PLCZ1: variants seen among roughly 807,000 people sequenced by gnomAD.
PLCZ1 encodes 1-phosphatidylinositol 4,5-bisphosphate phosphodiesterase zeta-1.
In PLCZ1, 64 loss-of-function variants were observed where a neutral mutation model predicts 76.8. The ratio of observed to expected loss-of-function variants is 0.83; its 90% CI spans 0.68 to 1.03. PLCZ1 has a LOEUF of 1.03. PLCZ1 is among the 50% of genes least tolerant of loss of function. The probability of loss-of-function intolerance (pLI) is 0.00; values close to 1 mark genes in which losing one functional copy is unlikely to be tolerated. For synonymous variants in PLCZ1, 248 were observed against 230.8 expected, an observed-to-expected ratio of 1.07 and a Z score of -0.68; for missense variants, 751 against 713.7, an observed-to-expected ratio of 1.05 and a Z score of -0.60.
At chr12:18,669,079 T>G in the PLCZ1 span, among the ~76,000 whole-genome samples, 1 of 152,202 alleles carries the variant, frequency 6.6e-6, no homozygotes, top group Non-Finnish European at 1.5e-5. Context: ...TGTTCTGCAT[T>G]TTCATGGTAC....
chr12:18,673,871 A>T, the PLCZ1 span, among the ~76,000 whole-genome samples: 4 of 152,304 alleles, frequency 2.6e-5, no homozygotes, highest in African/African-American at 9.6e-5. Flanking sequence ...TCTTTGCCAC[A>T]TGGACCTCTT....
chr12:18,669,665 C>CTTT, the PLCZ1 span, among the ~76,000 whole-genome samples: 281 of 148,656 alleles, frequency 1.9e-3, no homozygotes, highest in African/African-American at 6.0e-3. Flanking sequence ...CTCTTCCTCT[C>CTTT]TTTTTTTTTT....
chr12:18,700,764 T>A (rs915598983), intron 9 of PLCZ1, among the ~76,000 whole-genome samples: 4 of 152,094 alleles, frequency 2.6e-5, no homozygotes, highest in Non-Finnish European at 4.4e-5. Context: ...TAATTATCAT[T>A]TTATTTAAAC....
chr12:18,650,538 T>A, the PLCZ1 span, among the ~76,000 whole-genome samples: 1 of 150,220 alleles, frequency 6.7e-6, no homozygotes, highest in Non-Finnish European at 1.5e-5. Context: ...CTCATTTACA[T>A]TACCATATAA....
intron 4 of PLCZ1, among the ~76,000 whole-genome samples, chr12:18,722,664 T>C (rs150413219): frequency 3.9e-5 from 6 of 152,190 alleles, no homozygotes; most frequent in African/African-American, 1.4e-4. Context: ...AATGAAAAAC[T>C]GTGAAGTGTT....
intron 7 of PLCZ1, among the ~76,000 whole-genome samples, chr12:18,703,297 A>T (rs1956180113): frequency 6.6e-6 from 1 of 152,124 alleles, no homozygotes. Flanking sequence ...TTCTATCATC[A>T]GCCCTATATG....
intron 13 of PLCZ1, among the ~76,000 whole-genome samples, chr12:18,687,414 C>T: frequency 6.6e-6 from 1 of 152,116 alleles, no homozygotes; most frequent in African/African-American, 2.4e-5. Flanking sequence ...TCCAATGTCT[C>T]CTTCAAGGTG....
the PLCZ1 span, among the ~76,000 whole-genome samples, chr12:18,651,374 C>T: frequency 6.6e-6 from 1 of 152,164 alleles, no homozygotes; most frequent in South Asian, 2.1e-4. Context: ...CCAGATCTTT[C>T]CTACTCTACA....
the PLCZ1 span, among the ~76,000 whole-genome samples, chr12:18,669,369 C>A: frequency 3.9e-5 from 6 of 152,182 alleles, no homozygotes; most frequent in African/African-American, 1.4e-4. Context: ...TTTCATTTAA[C>A]CTTTATAATA....
At chr12:18,669,660 CCT>C in the PLCZ1 span, among the ~76,000 whole-genome samples, 1 of 148,302 alleles carries the variant, frequency 6.7e-6, no homozygotes, top group Non-Finnish European at 1.5e-5. Context: ...GGTGTCTCTT[CCT>C]CTCTTTTTTT....
the PLCZ1 span, among the ~76,000 whole-genome samples, chr12:18,660,538 A>AT: frequency 6.6e-6 from 1 of 152,242 alleles, no homozygotes; most frequent in African/African-American, 2.4e-5. Context: ...AACCACATAT[A>AT]TAGAGGAAAT....
chr12:18,688,732 T>C (rs901075304), intron 12 of PLCZ1, among the ~76,000 whole-genome samples: 1 of 152,078 alleles, frequency 6.6e-6, no homozygotes, highest in Non-Finnish European at 1.5e-5. Context: ...ATAATAATTG[T>C]ATTTAAACTT....
Position 18,696,154 on chromosome 12 carries a change from T to C in PLCZ1, c.1287A>G (p.Gln429=). 1 of 1,490,146 alleles carries C rather than the reference T, an allele frequency of 6.7e-7. No homozygotes were observed. The highest frequency in any genetic ancestry group is 9.3e-7 in the Non-Finnish European group (1 of 1,071,220). The allele number at this position is 1,490,146 out of a possible 1,614,324, so 92.3% of individuals were successfully genotyped here. Residue 429 remains glutamine, a synonymous_variant, in exon 11 of 15, where the codon CAA becomes CAG. Coordinates refer to ENST00000266505, the MANE Select transcript of PLCZ1 (RefSeq NM_033123.4). ...NPQEFWNIGC[Q]MVALNFQTPG... is the part of the protein sequence containing the mutation. ...TCAATATCGTATATAACATACCCAT[T>C]TGACAACCTATATTCCAAAATTCTT...
chr12:18,678,602 A>G (rs905286911), downstream of PLCZ1, among the ~76,000 whole-genome samples: 1 of 152,092 alleles, frequency 6.6e-6, no homozygotes, highest in Non-Finnish European at 1.5e-5. Flanking sequence ...GGAACCACAC[A>G]GTACATAACT....
intron 6 of PLCZ1, among the ~76,000 whole-genome samples, chr12:18,710,510 G>T (rs1444179930): frequency 2.6e-5 from 4 of 151,964 alleles, no homozygotes; most frequent in African/African-American, 7.2e-5. Flanking sequence ...TTTATTTTGA[G>T]TGAGGCCGAA....
the PLCZ1 span, among the ~76,000 whole-genome samples, chr12:18,653,553 C>A: frequency 6.6e-6 from 1 of 152,086 alleles, no homozygotes; most frequent in African/African-American, 2.4e-5. Context: ...CTGACTGTTA[C>A]CTAAACTTCA....
chr12:18,650,347 A>ATGTATG, the PLCZ1 span, among the ~76,000 whole-genome samples: 1 of 114,544 alleles, frequency 8.7e-6, no homozygotes, highest in African/African-American at 3.3e-5. Flanking sequence ...ATATATATAT[A>ATGTATG]TGTGTGTGTG....
chr12:18,703,301 C>T (rs1416414370), intron 7 of PLCZ1, among the ~76,000 whole-genome samples: 1 of 152,052 alleles, frequency 6.6e-6, no homozygotes, highest in Non-Finnish European at 1.5e-5. Flanking sequence ...ATCATCAGCC[C>T]TATATGTCTT....
intron 12 of PLCZ1, chr12:18,693,158 G>T: frequency 1.3e-6 from 2 of 1,536,200 alleles, no homozygotes; most frequent in Non-Finnish European, 1.8e-6. Context: ...CTACATCTGT[G>T]GGCTCAGAAC....
Sources: gnomAD v4.1 joint callset for allele counts (sites outside exome capture counted in the v4.1 genomes callset) on GRCh38, gnomAD v4.1.1 for gene constraint, MANE v1.5 for transcripts, NCBI Gene and HGNC (gene_info 2026-07-23, HGNC 2026-07-21) for gene names.